The following DEPDC5 variants were observed in gnomAD, a reference collection of about 807,000 sequenced individuals.
DEPDC5 encodes GATOR1 complex protein DEPDC5.
A neutral mutation model predicts 217.3 loss-of-function variants in DEPDC5; 73 were observed. That is an observed-to-expected ratio of 0.34 (90% CI 0.28 to 0.41). DEPDC5 has a LOEUF of 0.41. DEPDC5 is among the 10% of genes least tolerant of loss of function. DEPDC5 has a pLI of 1.00. For synonymous variants in DEPDC5, 733 were observed against 756.7 expected (o/e 0.97, Z 0.51); for missense variants, 1,675 against 2,070.1 (o/e 0.81, Z 3.70).
At chr22:31,881,814 C>T (rs1418383687) in intron 38 of DEPDC5, among the ~76,000 whole-genome samples, 2 of 151,772 alleles carry the variant, frequency 1.3e-5, no homozygotes, top group Non-Finnish European at 2.9e-5. Flanking sequence ...GGTGTGGTGG[C>T]GGGTACCTGC....
Position 31,809,472 on chromosome 22 carries a change from G to A in DEPDC5, c.1288-139G>A. 4 of 810,952 alleles carry A rather than the reference G, an allele frequency of 4.9e-6. No homozygotes were observed. The East Asian group carries it at 1.1e-4, about 22-fold the overall frequency. 50.2% of individuals were successfully genotyped at this position (810,952 alleles called of 1,614,324 possible). ...ATACGGGAATAAAGGACCGTGGTAG[G>A]TAGGTGTCAGATGTTAGCTCCTGCC... On this transcript the variant is annotated intron_variant, in intron 18 of 42. Coordinates refer to ENST00000651528, the MANE Select transcript of DEPDC5 (RefSeq NM_001242896.3).
chr22:31,846,793 C>T (rs2091761482), intron 30 of DEPDC5, 41 bp from the exon 31 acceptor site: 1 of 1,613,468 alleles, frequency 6.2e-7, no homozygotes, highest in African/African-American at 1.3e-5. Context: ...CCACTGAGAG[C>T]CCACTTGGCT....
chr22:31,808,882 G>A (rs1415877426), intron 18 of DEPDC5, among the ~76,000 whole-genome samples: 1 of 151,930 alleles, frequency 6.6e-6, no homozygotes, highest in Non-Finnish European at 1.5e-5. Flanking sequence ...TCATTTTAAA[G>A]AAGCAAGAGT....
In DEPDC5 at chr22:31,765,070, T is replaced by C; in HGVS notation, c.279+10T>C. ...TGTCGTAGACCCTAAGGTATGTCTTTGTTTTGTACTTGAATATCTTTTTGG... is the reference window on the plus strand; with the variant it reads ...TGTCGTAGACCCTAAGGTATGTCTTCGTTTTGTACTTGAATATCTTTTTGG... On this transcript the variant is annotated intron_variant, in intron 5 of 42. Transcript: ENST00000651528. 4 of 1,605,900 alleles carry C rather than the reference T, an allele frequency of 2.5e-6. No individual in the cohort carries two copies. The East Asian group carries it at 8.9e-5, about 36-fold the overall frequency.
intron 32 of DEPDC5, chr22:31,858,817 A>G (rs1456369360): frequency 6.6e-6 from 1 of 152,208 alleles, no homozygotes; most frequent in Non-Finnish European, 1.5e-5. Context: ...TACCACAGTT[A>G]TAATGTTGCA....
chr22:31,892,659 G>A (rs986203832), intron 38 of DEPDC5, among the ~76,000 whole-genome samples: 12 of 151,860 alleles, frequency 7.9e-5, no homozygotes, highest in South Asian at 4.2e-4. Context: ...ACTCCAGCCC[G>A]GGTGACATAG....
chr22:31,902,435 T>TATAC (rs915603933), intron 41 of DEPDC5, among the ~76,000 whole-genome samples: 9 of 125,540 alleles, frequency 7.2e-5, no homozygotes, highest in Non-Finnish European at 1.0e-4. Flanking sequence ...TATATATATA[T>TATAC]ACTTATATAT....
rs1555914747 is a variant in DEPDC5 at position 31,873,248 on chromosome 22, G to GT, written c.3486-5dup. ...TTGCTTTGCTGACCTGACACCCTGT[G>GT]TTACAGCTCTCAGCAGCTGGTGGCA... On this transcript the variant is annotated splice_region_variant and splice_polypyrimidine_tract_variant and intron_variant, in intron 34 of 42. Coordinates refer to ENST00000651528, the MANE Select transcript of DEPDC5 (RefSeq NM_001242896.3). 9.9e-6 allele frequency: 16 copies of GT among 1,613,994 alleles called. No individual in the cohort carries two copies. The highest frequency in any genetic ancestry group is 3.3e-4 in the Middle Eastern group (2 of 6,062).
At chr22:31,788,442 T>TG (rs1297963883) in intron 10 of DEPDC5, among the ~76,000 whole-genome samples, 2 of 131,378 alleles carry the variant, frequency 1.5e-5, no homozygotes, top group African/African-American at 5.8e-5. Flanking sequence ...GCCCGGGCAA[T>TG]TTTTTTTTTT....
chr22:31,870,890 C>A, intron 34 of DEPDC5, 146 bp downstream of exon 34: 1 of 869,282 alleles, frequency 1.2e-6, no homozygotes, highest in Non-Finnish European at 1.6e-6. Context: ...TAGTCCTTAA[C>A]CACATCTGTA....
intron 24 of DEPDC5, chr22:31,826,339 A>C: frequency 3.8e-6 from 1 of 265,452 alleles, no homozygotes; most frequent in Non-Finnish European, 7.5e-6. Context: ...TAATCCACAT[A>C]AATTCTTAGG....
At chr22:31,867,181 A>T (rs1172399537) in intron 33 of DEPDC5, among the ~76,000 whole-genome samples, 1 of 152,156 alleles carries the variant, frequency 6.6e-6, no homozygotes, top group Non-Finnish European at 1.5e-5. Flanking sequence ...CCTGCTATTT[A>T]TCTTTGTTCA....
intron 39 of DEPDC5, 135 bp from the exon 40 acceptor site, chr22:31,897,347 C>A: frequency 8.5e-7 from 1 of 1,178,940 alleles, no homozygotes; most frequent in Non-Finnish European, 1.2e-6. Flanking sequence ...CAATTTGCAG[C>A]CAGCAAACAT....
At chr22:31,813,331 A>G (rs947265923) in intron 20 of DEPDC5, among the ~76,000 whole-genome samples, 22 of 152,178 alleles carry the variant, frequency 1.4e-4, no homozygotes, top group Non-Finnish European at 2.5e-4. Context: ...AAAGATGACA[A>G]GACCTGGTGG....
intron 23 of DEPDC5, among the ~76,000 whole-genome samples, chr22:31,821,877 A>G (rs759488184): frequency 5.9e-5 from 9 of 152,244 alleles, no homozygotes; most frequent in Non-Finnish European, 1.2e-4. Context: ...TTTTGAATCC[A>G]GAACACACTT....
intron 39 of DEPDC5, among the ~76,000 whole-genome samples, chr22:31,896,685 C>T (rs2093558442): frequency 6.6e-6 from 1 of 152,118 alleles, no homozygotes; most frequent in African/African-American, 2.4e-5. Context: ...TGGGACTCTG[C>T]CAGAGAGTGG....
chr22:31,758,107 T>C (rs2082086624), intron 2 of DEPDC5, among the ~76,000 whole-genome samples: 1 of 152,226 alleles, frequency 6.6e-6, no homozygotes. Context: ...TAAAGATTTA[T>C]TGTGACGGTC....
chr22:31,896,350 G>A (rs1292615364), intron 39 of DEPDC5, among the ~76,000 whole-genome samples: 1 of 152,072 alleles, frequency 6.6e-6, no homozygotes, highest in Non-Finnish European at 1.5e-5. Context: ...CAGAGATCTC[G>A]GCTTTTTGTT....
chr22:31,844,820 G>T (rs1446785851), intron 29 of DEPDC5, 198 bp from the exon 30 acceptor site: 2 of 581,428 alleles, frequency 3.4e-6, no homozygotes, highest in African/African-American at 1.9e-5. Flanking sequence ...CTCCCAAAGT[G>T]CTGGGATTAT....
Sources: allele counts gnomAD v4.1 joint callset (sites outside exome capture counted in the v4.1 genomes callset), GRCh38; gene constraint gnomAD v4.1.1; transcripts MANE v1.5; gene names NCBI Gene and HGNC (gene_info 2026-07-23, HGNC 2026-07-21).